Variants in AMBP observed in about 807,000 individuals in gnomAD.
AMBP encodes the protein protein AMBP.
A neutral mutation model predicts 46.3 loss-of-function variants in AMBP; 37 were observed. That is an observed-to-expected ratio of 0.80 (90% CI 0.61 to 1.05). AMBP has a LOEUF of 1.05. AMBP is among the 50% of genes least tolerant of loss of function. AMBP has a pLI of 0.00. For synonymous variants in AMBP, 174 were observed against 175.9 expected (o/e 0.99, Z 0.09); for missense variants, 475 against 461.2 (o/e 1.03, Z -0.27).
Position 114,068,438 on chromosome 9 carries a change from G to GA in AMBP, c.603+1260dup, listed in dbSNP as rs896027005. Among the ~76,000 whole-genome samples the GA allele has an allele frequency of 3.6e-4, 53 of 148,540 alleles. 1 individual carries two copies. Among genetic ancestry groups the GA allele is most frequent in the East Asian group, 2.0e-3 (10 of 5,092 alleles). ...AACATGGCAAAACTCTGTCTCTACTGAAAAAAAAAATACAAAAATTAGCCA... is the reference window on the plus strand; with the variant it reads ...AACATGGCAAAACTCTGTCTCTACTGAAAAAAAAAAATACAAAAATTAGCCA... On this transcript the variant is annotated intron_variant, in intron 6 of 9. Coordinates refer to ENST00000265132, the MANE Select transcript of AMBP (RefSeq NM_001633.4).
At position 114,078,194 on chromosome 9, in the gene AMBP, C is replaced by T. The variant is rs1262822121; in HGVS notation, c.16G>A (p.Ala6Thr). The T allele has an allele frequency of 6.2e-7, 1 of 1,612,580 alleles. No homozygotes were observed. The highest frequency in any genetic ancestry group is 8.5e-7 in the Non-Finnish European group (1 of 1,179,958). MRSLGALLLLLSACLA... is the reference protein window; with the variant it reads MRSLGTLLLLLSACLA... ...CAGGCGCTCAGCAGCAAGAGCAGGG[C>T]CCCGAGGCTCCTCATGGCTATGGGC... Residue 6 changes from alanine (A) to threonine (T), a missense_variant, in exon 1 of 10, where the codon GCC (alanine) becomes ACC (threonine). Physicochemically the swap from Ala to Thr is moderately conservative, Grantham distance 58. Transcript: ENST00000265132.
At chr9:114,060,523 G>A (rs887769558) in intron 9 of AMBP, among the ~76,000 whole-genome samples, 10 of 152,152 alleles carry the variant, frequency 6.6e-5, no homozygotes, top group Non-Finnish European at 1.0e-4. Context: ...CCATTGTATC[G>A]TTGTCGTTAT....
At position 114,061,420 on chromosome 9, in the gene AMBP, TCACC is replaced by T; in HGVS notation, c.853_853+3del. On this transcript the variant is annotated splice_donor_variant and splice_donor_region_variant and coding_sequence_variant and intron_variant, in exon 8 of 10. Coordinates refer to ENST00000265132, the MANE Select transcript of AMBP (RefSeq NM_001633.4). LOFTEE classifies it high-confidence loss of function. ...AGCGCACAGGGGTGGGGACCCGCAC[TCACC>T]CACAGTTCGGCAGGTCTGCAGACAC... 4 of 1,614,096 alleles carry T rather than the reference TCACC, an allele frequency of 2.5e-6. No homozygotes were observed. The highest frequency in any genetic ancestry group is 3.4e-6 in the Non-Finnish European group (4 of 1,180,016).
chr9:114,075,098 A>T, intron 2 of AMBP, 62 bp from the exon 3 acceptor site: 1 of 1,392,566 alleles, frequency 7.2e-7, no homozygotes, highest in Non-Finnish European at 1.0e-6. Flanking sequence ...CTGACACTCA[A>T]CCCTCCTGCA....
chr9:114,061,596 G>A lies in AMBP; in HGVS notation c.686-5C>T. 6.3e-7 allele frequency: 1 copy of A among 1,592,014 alleles called. No homozygotes were observed. The highest frequency in any genetic ancestry group is 8.6e-7 in the Non-Finnish European group (1 of 1,166,446). On this transcript the variant is annotated splice_region_variant and splice_polypyrimidine_tract_variant and intron_variant, in intron 7 of 9. Coordinates refer to ENST00000265132, the MANE Select transcript of AMBP (RefSeq NM_001633.4). ...AGTAGCCCAGCTGGCAGGAATCTAG[G>A]GAGGGGCAGACCAGCAGCACTGACC... is the stretch of plus-strand genomic sequence containing the variant.
chr9:114,061,881 ACT>A (rs1377125733), intron 7 of AMBP, among the ~76,000 whole-genome samples: 1 of 151,380 alleles, frequency 6.6e-6, no homozygotes, highest in African/African-American at 2.4e-5. Flanking sequence ...CTGCCCCAAA[ACT>A]CTGTAATAGT....
At chr9:114,068,420 C>T (rs1043087826) in intron 6 of AMBP, among the ~76,000 whole-genome samples, 3 of 151,602 alleles carry the variant, frequency 2.0e-5, no homozygotes, top group Non-Finnish European at 4.4e-5. Flanking sequence ...GCCAACATGG[C>T]AAAACTCTGT....
At chr9:114,060,653 C>T (rs376900648) in intron 9 of AMBP, among the ~76,000 whole-genome samples, 1 of 152,156 alleles carries the variant, frequency 6.6e-6, no homozygotes, top group Admixed American at 6.5e-5. Flanking sequence ...GGCACTTGCT[C>T]AACGTTGCAG....
intron 7 of AMBP, among the ~76,000 whole-genome samples, chr9:114,062,083 C>T (rs1846644847): frequency 6.6e-6 from 1 of 152,218 alleles, no homozygotes; most frequent in Non-Finnish European, 1.5e-5. Context: ...CCTCACCCCT[C>T]CAACGTCTCA....
At chr9:114,070,347 C>T (rs981364030) in intron 5 of AMBP, among the ~76,000 whole-genome samples, 2 of 152,062 alleles carry the variant, frequency 1.3e-5, no homozygotes, top group Admixed American at 6.5e-5. Context: ...TGTGCCACCC[C>T]CATCCTTATG....
chr9:114,061,115 G>C lies in AMBP; in HGVS notation c.854-17C>G. 6.2e-7 allele frequency: 1 copy of C among 1,612,552 alleles called. No homozygotes were observed. Among genetic ancestry groups the C allele is most frequent in the Non-Finnish European group, 8.5e-7 (1 of 1,179,252 alleles). ...TGCAGGCCGCTGTGGAGTGGAGAGA[G>C]GCATGGAACTTGAGAAACCCTTGTG... On this transcript the variant is annotated splice_polypyrimidine_tract_variant and intron_variant, in intron 8 of 9. Coordinates refer to ENST00000265132, the MANE Select transcript of AMBP (RefSeq NM_001633.4).
chr9:114,073,926 T>G (rs951278078), intron 4 of AMBP, 110 bp downstream of exon 4: 11 of 988,016 alleles, frequency 1.1e-5, no homozygotes, highest in Non-Finnish European at 1.1e-5. Context: ...AAATTGGAGT[T>G]TTGTCAGAAG....
At chr9:114,064,020 T>C (rs1846667567) in intron 6 of AMBP, among the ~76,000 whole-genome samples, 1 of 152,178 alleles carries the variant, frequency 6.6e-6, no homozygotes, top group Non-Finnish European at 1.5e-5. Flanking sequence ...GGACAAAGAA[T>C]AAAGAGCCTG....
intron 8 of AMBP, 100 bp from the exon 9 acceptor site, chr9:114,061,198 AC>A: frequency 6.8e-7 from 1 of 1,461,656 alleles, no homozygotes; most frequent in Non-Finnish European, 9.2e-7. Flanking sequence ...CATCTAGAAC[AC>A]CTCATCCCTC....
chr9:114,075,675 G>T (rs1846798600), intron 2 of AMBP, among the ~76,000 whole-genome samples: 1 of 152,178 alleles, frequency 6.6e-6, no homozygotes, highest in Non-Finnish European at 1.5e-5. Flanking sequence ...CGTGGGTCAG[G>T]CAGGCAGGTG....
At chr9:114,075,091 ACACT>A in intron 2 of AMBP, 55 bp from the exon 3 acceptor site, 1 of 1,454,212 alleles carries the variant, frequency 6.9e-7, no homozygotes, top group Non-Finnish European at 9.6e-7. Context: ...CATGGTCCTG[ACACT>A]CAACCCTCCT....
chr9:114,069,549 G>T, intron 6 of AMBP, 150 bp downstream of exon 6: 1 of 728,862 alleles, frequency 1.4e-6, no homozygotes, highest in Non-Finnish European at 2.3e-6. Context: ...GCCCCAGTGA[G>T]TCTGACTTCA....
At chr9:114,060,334 G>A (rs1040626227) in intron 9 of AMBP, 64 bp from the exon 10 acceptor site, 155 of 1,562,088 alleles carry the variant, frequency 9.9e-5, no homozygotes, top group Non-Finnish European at 1.3e-4. Flanking sequence ...AGGGAAAGCA[G>A]CTGTCGCCTG....
intron 6 of AMBP, among the ~76,000 whole-genome samples, chr9:114,065,535 G>A (rs1359238976): frequency 6.6e-6 from 1 of 152,164 alleles, no homozygotes; most frequent in Non-Finnish European, 1.5e-5. Flanking sequence ...AATCTGTGTT[G>A]TTTAAATCCC....
Sources: allele counts gnomAD v4.1 joint callset (sites outside exome capture counted in the v4.1 genomes callset), GRCh38; gene constraint gnomAD v4.1.1; transcripts MANE v1.5; gene names NCBI Gene and HGNC (gene_info 2026-07-23, HGNC 2026-07-21).